Variants in KIRREL3 observed in about 807,000 individuals in gnomAD.
KIRREL3 encodes the protein kirre like nephrin family adhesion molecule 3.
Under a neutral mutation model 89.7 loss-of-function variants are expected in KIRREL3, and 36 were observed. That is an observed-to-expected ratio of 0.40 (90% CI 0.31 to 0.53). KIRREL3 has a LOEUF of 0.53. Among genes scored for constraint, KIRREL3 ranks in the 20% least tolerant of loss-of-function variants. The pLI is 0.49. For missense variants in KIRREL3, 864 were observed against 1,056.6 expected (o/e 0.82, Z 2.53); for synonymous variants, 445 against 441.4 (o/e 1.01, Z -0.10).
intron 2 of KIRREL3, among the ~76,000 whole-genome samples, chr11:126,533,831 G>A (rs1258044308): frequency 6.6e-6 from 1 of 152,224 alleles, no homozygotes; most frequent in Non-Finnish European, 1.5e-5. Context: ...TAGAGAGGAT[G>A]CATCTGGGCC....
chr11:126,464,996 C>A (rs1027716825), intron 5 of KIRREL3, among the ~76,000 whole-genome samples: 5 of 152,174 alleles, frequency 3.3e-5, no homozygotes, highest in Non-Finnish European at 7.3e-5. Flanking sequence ...CCTTCCCTCT[C>A]CTGTTCCTCT....
rs2134871525 is a variant in KIRREL3 at position 126,628,438 on chromosome 11, A to G, written c.56-65526T>C. Among the ~76,000 whole-genome samples the G allele has an allele frequency of 6.6e-6, 1 of 152,350 alleles. No individual in the cohort carries two copies. The highest frequency in any genetic ancestry group is 2.1e-4 in the South Asian group (1 of 4,822). ...CCCACTGGATTTTGAGCACATGCCT[A>G]AACTTTGTACCCATGAGAGCACATA... is the stretch of plus-strand genomic sequence containing the variant. On this transcript the variant is annotated intron_variant, in intron 1 of 16. Transcript: ENST00000525144. This position sits in a 1 kb window ranked among gnomAD's most constrained non-coding sequence, Gnocchi z 5.2.
Position 126,624,614 on chromosome 11 carries a change from C to T in KIRREL3, c.56-61702G>A, listed in dbSNP as rs1943705309. Among the ~76,000 whole-genome samples the T allele has an allele frequency of 1.3e-5, 2 of 152,218 alleles. No homozygotes were observed. The highest frequency in any genetic ancestry group is 4.1e-4 in the South Asian group (2 of 4,836). ...ACGGATTAAGCTCAGCAGAGGCAAG[C>T]TGCCTAGGCATGTCGTGTAATTCAG... is the stretch of plus-strand genomic sequence containing the variant. On this transcript the variant is annotated intron_variant, in intron 1 of 16. Coordinates refer to ENST00000525144, the MANE Select transcript of KIRREL3 (RefSeq NM_032531.4). This position sits in a 1 kb window ranked among gnomAD's most constrained non-coding sequence, Gnocchi z 6.0.
rs766038535 is a variant in KIRREL3, at chr11:126,668,693, T to TTTTCTTTTTCTTTCTTTCTTTC, written c.56-105782_56-105781insGAAAGAAAGAAAGAAAAAGAAA. ...TAAAGAGCTGTTGGGAAGTTTCTGTTTTTCTTTCTTTCTTTCTTTCTTTCT... is the reference window on the plus strand; with the variant it reads ...TAAAGAGCTGTTGGGAAGTTTCTGTTTTTCTTTTTCTTTCTTTCTTTCTTTCTTTCTTTCTTTCTTTCTTTCT... On this transcript the variant is annotated intron_variant, in intron 1 of 16. Coordinates refer to ENST00000525144, the MANE Select transcript of KIRREL3 (RefSeq NM_032531.4). The surrounding 1 kb of genome is among the most constrained non-coding windows in gnomAD (Gnocchi z 4.4). Among the ~76,000 whole-genome samples the TTTTCTTTTTCTTTCTTTCTTTC allele has an allele frequency of 7.9e-5, 10 of 126,596 alleles. No homozygotes were observed. Among genetic ancestry groups the TTTTCTTTTTCTTTCTTTCTTTC allele is most frequent in the African/African-American group, 2.8e-4 (9 of 32,454 alleles). 83.1% of individuals were successfully genotyped at this position (126,596 alleles called of 152,430 possible). A position where few individuals can be genotyped will look rare whatever the true frequency, so the allele number is the denominator to read the frequency against.
intron 1 of KIRREL3, among the ~76,000 whole-genome samples, chr11:126,722,463 G>C (rs1179224679): frequency 6.6e-6 from 1 of 152,216 alleles, no homozygotes; most frequent in Non-Finnish European, 1.5e-5. Flanking sequence ...CACCATATCA[G>C]GGGTTGGCAA....
At chr11:126,779,826 C>T (rs1472797535) in intron 1 of KIRREL3, among the ~76,000 whole-genome samples, 2 of 152,030 alleles carry the variant, frequency 1.3e-5, no homozygotes, top group Non-Finnish European at 2.9e-5. Flanking sequence ...GTTCCAGTTT[C>T]CATGAACTGA....
At position 126,996,735 on chromosome 11, in the gene KIRREL3, T is replaced by C. The variant is rs1738076313; in HGVS notation, c.55+3720A>G. On this transcript the variant is annotated intron_variant, in intron 1 of 16. Coordinates refer to ENST00000525144, the MANE Select transcript of KIRREL3 (RefSeq NM_032531.4). This position sits in a 1 kb window ranked among gnomAD's most constrained non-coding sequence, Gnocchi z 4.7. ...AGTGGGCTGCTTAGATTCTTCCCAG[T>C]AGGGAGATGGTACCTCAAATGCATC... is the stretch of plus-strand genomic sequence containing the variant. Among the ~76,000 whole-genome samples, 1 of 152,158 alleles carries C rather than the reference T, an allele frequency of 6.6e-6. No individual in the cohort carries two copies. Among genetic ancestry groups the C allele is most frequent in the African/African-American group, 2.4e-5 (1 of 41,424 alleles).
At position 126,607,573 on chromosome 11, in the gene KIRREL3, A is replaced by C. The variant is rs1026931217; in HGVS notation, c.56-44661T>G. On this transcript the variant is annotated intron_variant, in intron 1 of 16. Coordinates refer to ENST00000525144, the MANE Select transcript of KIRREL3 (RefSeq NM_032531.4). The surrounding 1 kb of genome is among the most constrained non-coding windows in gnomAD (Gnocchi z 6.6). ...TCCACGTTCAAAGACCATTATTGCC[A>C]TTATTAATTGATCGCTGTTATTATC... 6.6e-6 allele frequency among the ~76,000 whole-genome samples: 1 copy of C among 152,188 alleles called. No homozygotes were observed. The highest frequency in any genetic ancestry group is 1.9e-4 in the East Asian group (1 of 5,188).
intron 1 of KIRREL3, among the ~76,000 whole-genome samples, chr11:126,982,422 G>A (rs1031278290): frequency 6.6e-6 from 1 of 152,180 alleles, no homozygotes; most frequent in Non-Finnish European, 1.5e-5. Context: ...ACACTGGGGA[G>A]GGGACTAAGT....
At chr11:126,497,826 T>A (rs1957723394) in intron 4 of KIRREL3, among the ~76,000 whole-genome samples, 1 of 152,038 alleles carries the variant, frequency 6.6e-6, no homozygotes. Context: ...GGGTGGGAGT[T>A]TAGTGTAGCT....
chr11:126,903,763 C>G lies in KIRREL3; in HGVS notation c.55+96692G>C, dbSNP rs1427851866. 6.6e-6 allele frequency among the ~76,000 whole-genome samples: 1 copy of G among 152,212 alleles called. No individual in the cohort carries two copies. The highest frequency in any genetic ancestry group is 1.5e-5 in the Non-Finnish European group (1 of 68,036). On this transcript the variant is annotated intron_variant, in intron 1 of 16. Transcript: ENST00000525144. This position sits in a 1 kb window ranked among gnomAD's most constrained non-coding sequence, Gnocchi z 4.5. ...TTCTGTAATCACCTTAATAGGTCAA[C>G]ATAACAATGGATGTTGCTGGTGGAA...
rs116904985 is a variant in KIRREL3, at chr11:126,824,957, A to C, written c.55+175498T>G. Among the ~76,000 whole-genome samples, 266 of 152,292 alleles carry C rather than the reference A, an allele frequency of 1.7e-3. 5 individuals are homozygous for C. In the East Asian group the frequency reaches 0.048, roughly 27 times the overall value. ...TCTCCTAGTGGACAAATTGTGAGGG[A>C]CGTATGTAGCCTTTTTAATCTTTGT... On this transcript the variant is annotated intron_variant, in intron 1 of 16. Coordinates refer to ENST00000525144, the MANE Select transcript of KIRREL3 (RefSeq NM_032531.4).
In KIRREL3 at chr11:126,458,119, G is replaced by A. The variant is rs543794587; in HGVS notation, c.743-1665C>T. Among the ~76,000 whole-genome samples, 116 of 152,304 alleles carry A rather than the reference G, an allele frequency of 7.6e-4. 1 individual carries two copies. Among genetic ancestry groups the A allele is most frequent in the Non-Finnish European group, 1.2e-3 (83 of 68,028 alleles). ...TGGCCCAGAGCTCTGGCTGAGTTGAGTGGGCAGCCCAGGACCTCATCCCCA... is the reference window on the plus strand; with the variant it reads ...TGGCCCAGAGCTCTGGCTGAGTTGAATGGGCAGCCCAGGACCTCATCCCCA... On this transcript the variant is annotated intron_variant, in intron 6 of 16. Transcript: ENST00000525144.
intron 1 of KIRREL3, among the ~76,000 whole-genome samples, chr11:126,800,840 A>G (rs11220614): frequency 0.24 from 36,853 of 152,044 alleles, 4,886 homozygotes; most frequent in Non-Finnish European, 0.31. Context: ...TTTTCAGCGG[A>G]TTTAGCTGTG....
chr11:126,973,330 AG>A (rs1949485384), intron 1 of KIRREL3, among the ~76,000 whole-genome samples: 1 of 152,190 alleles, frequency 6.6e-6, no homozygotes, highest in South Asian at 2.1e-4. Flanking sequence ...GCCACCATTC[AG>A]TTGCATAGAG....
At chr11:126,678,699 T>C (rs1946314449) in intron 1 of KIRREL3, among the ~76,000 whole-genome samples, 1 of 150,946 alleles carries the variant, frequency 6.6e-6, no homozygotes. Context: ...GGAGTGATCT[T>C]ACAGAATTAA....
rs993652845 is a variant in KIRREL3 at position 126,612,676 on chromosome 11, G to A, written c.56-49764C>T. On this transcript the variant is annotated intron_variant, in intron 1 of 16. Coordinates refer to ENST00000525144, the MANE Select transcript of KIRREL3 (RefSeq NM_032531.4). This position sits in a 1 kb window ranked among gnomAD's most constrained non-coding sequence, Gnocchi z 4.5. ...ATCACTCCCCATTTCTGTCCCCGTC[G>A]GTAGCCATTAACCCACTTTCTGCCT... Among the ~76,000 whole-genome samples, 6 of 151,978 alleles carry A rather than the reference G, an allele frequency of 3.9e-5. No individual in the cohort carries two copies. The highest frequency in any genetic ancestry group is 7.3e-5 in the African/African-American group (3 of 41,354).
rs1026327715 is a variant in KIRREL3, at chr11:126,623,714, A to G, written c.56-60802T>C. On this transcript the variant is annotated intron_variant, in intron 1 of 16. Coordinates refer to ENST00000525144, the MANE Select transcript of KIRREL3 (RefSeq NM_032531.4). This position sits in a 1 kb window ranked among gnomAD's most constrained non-coding sequence, Gnocchi z 4.1. The stretch of plus-strand genomic sequence containing the variant: ...CAGAAAGCACAAGACCAGGCAAAGC[A>G]GGCGAGGAGAAAGCCATTGAATAAA... 3.3e-5 allele frequency among the ~76,000 whole-genome samples: 5 copies of G among 152,312 alleles called. No individual in the cohort carries two copies. The highest frequency in any genetic ancestry group is 3.4e-3 in the Middle Eastern group (1 of 294).
At position 126,491,980 on chromosome 11, in the gene KIRREL3, G is replaced by A. The variant is rs139965411; in HGVS notation, c.434-18514C>T. 5.7e-4 allele frequency among the ~76,000 whole-genome samples: 87 copies of A among 152,302 alleles called. 2 individuals are homozygous for A. Among genetic ancestry groups the A allele is most frequent in the African/African-American group, 2.0e-3 (85 of 41,560 alleles). ...GCTTCCCAAAGTGCTAGGATTACAG[G>A]TGTGAGCCACCACGCCTGGGAGATT... On this transcript the variant is annotated intron_variant, in intron 4 of 16. Transcript: ENST00000525144. The surrounding 1 kb of genome is among the most constrained non-coding windows in gnomAD (Gnocchi z 5.5).
Sources: gnomAD v4.1 joint callset for allele counts (sites outside exome capture counted in the v4.1 genomes callset) on GRCh38, gnomAD v4.1.1 for gene constraint, Gnocchi (gnomAD v3.1) non-coding constraint, MANE v1.5 for transcripts, NCBI Gene and HGNC (gene_info 2026-07-23, HGNC 2026-07-21) for gene names.